Variants in PTPN12 observed in about 807,000 individuals in gnomAD.
PTPN12 encodes protein tyrosine phosphatase non-receptor type 12.
A neutral mutation model predicts 97.6 loss-of-function variants in PTPN12; 29 were observed. That is an observed-to-expected ratio of 0.30 (90% CI 0.22 to 0.41). The LOEUF is 0.41. PTPN12 is among the 10% of genes least tolerant of loss of function. PTPN12 has a pLI of 1.00. For missense variants in PTPN12, 819 were observed against 926.0 expected, an observed-to-expected ratio of 0.88 and a Z score of 1.50; for synonymous variants, 327 against 300.4, an observed-to-expected ratio of 1.09 and a Z score of -0.91.
At position 77,639,289 on chromosome 7, in the gene PTPN12, G is replaced by T. The variant is rs755588788; in HGVS notation, c.*9G>T. On this transcript the variant is annotated 3_prime_UTR_variant, in exon 18 of 18. Coordinates refer to ENST00000248594, the MANE Select transcript of PTPN12 (RefSeq NM_002835.4). ...CTTCAGAATGGACATGATTCAGGGA[G>T]CTAGAAGACACTTTAAGTTATACTG... is the stretch of plus-strand genomic sequence containing the variant. 6.2e-7 allele frequency: 1 copy of T among 1,607,564 alleles called. No individual in the cohort carries two copies. The highest frequency in any genetic ancestry group is 8.5e-7 in the Non-Finnish European group (1 of 1,175,318).
intron 1 of PTPN12, among the ~76,000 whole-genome samples, chr7:77,561,068 CTTGTT>C (rs1049288980): frequency 6.6e-6 from 1 of 152,062 alleles, no homozygotes; most frequent in Non-Finnish European, 1.5e-5. Flanking sequence ...GTTATTCTGG[CTTGTT>C]TTGTTTTGTT....
chr7:77,576,361 T>A (rs1787342640), intron 2 of PTPN12, among the ~76,000 whole-genome samples: 1 of 152,140 alleles, frequency 6.6e-6, no homozygotes, highest in Non-Finnish European at 1.5e-5. Flanking sequence ...GAATAATTGT[T>A]TTCATTTTTT....
intron 5 of PTPN12, among the ~76,000 whole-genome samples, chr7:77,590,745 G>A (rs1415874191): frequency 6.6e-6 from 1 of 151,920 alleles, no homozygotes; most frequent in Non-Finnish European, 1.5e-5. Context: ...GTATTTTTGA[G>A]TAGAGACAAG....
intron 11 of PTPN12, among the ~76,000 whole-genome samples, chr7:77,613,683 C>T (rs995000449): frequency 8.6e-5 from 13 of 151,948 alleles, no homozygotes; most frequent in African/African-American, 1.7e-4. Flanking sequence ...GGCAAAACCC[C>T]GTCTCTACCA....
rs1808163614 is a variant in PTPN12 at position 77,564,746 on chromosome 7, G to GTGTTTTTTT, written c.100-6331_100-6330insGTTTTTTTT. 3.7e-4 allele frequency among the ~76,000 whole-genome samples: 17 copies of GTGTTTTTTT among 45,404 alleles called. 4 individuals carry two copies. The East Asian group carries it at 0.012, about 32-fold the overall frequency. The allele number at this position is 45,404 out of a possible 152,430, so 29.8% of individuals were successfully genotyped here. ...TTTTGTTGTTGTTTTTTGTTGTCGT[G>GTGTTTTTTT]TTTTTTTTTTTTTTTTTTTTTTTTT... On this transcript the variant is annotated intron_variant, in intron 1 of 17. Transcript: ENST00000248594.
intron 7 of PTPN12, among the ~76,000 whole-genome samples, chr7:77,599,814 C>T (rs1332080011): frequency 6.6e-6 from 1 of 152,048 alleles, no homozygotes; most frequent in Admixed American, 6.6e-5. Flanking sequence ...GCTTAGATTC[C>T]GAGTATTGCT....
chr7:77,617,026 ACCAGTCTCAGCCTC>A (rs1015965212), intron 11 of PTPN12, among the ~76,000 whole-genome samples: 1 of 152,042 alleles, frequency 6.6e-6, no homozygotes, highest in African/African-American at 2.4e-5. Context: ...CAAGTGATCC[ACCAGTCTCAGCCTC>A]CCAAAGTTCT....
chr7:77,558,210 CAAA>C (rs61149538), intron 1 of PTPN12, among the ~76,000 whole-genome samples: 9 of 93,592 alleles, frequency 9.6e-5, no homozygotes, highest in Admixed American at 2.4e-4. Flanking sequence ...GACTCCATCT[CAAA>C]AAAAAAAAAA....
At chr7:77,541,969 A>G (rs1051063113) in intron 1 of PTPN12, among the ~76,000 whole-genome samples, 30 of 151,596 alleles carry the variant, frequency 2.0e-4, no homozygotes, top group African/African-American at 6.8e-4. Flanking sequence ...AGATAAATGT[A>G]TAAAGTAGGG....
At chr7:77,564,746 GTTTTTTT>G (rs764476553) in intron 1 of PTPN12, among the ~76,000 whole-genome samples, 86 of 45,378 alleles carry the variant, frequency 1.9e-3, no homozygotes, top group South Asian at 5.4e-3. Flanking sequence ...TTGTTGTCGT[GTTTTTTT>G]TTTTTTTTTT....
intron 8 of PTPN12, among the ~76,000 whole-genome samples, chr7:77,605,847 TC>T (rs1788353268): frequency 2.0e-5 from 3 of 151,748 alleles, no homozygotes; most frequent in Admixed American, 1.3e-4. Context: ...TGTTGCTCAA[TC>T]CGTTTTCTAG....
intron 2 of PTPN12, among the ~76,000 whole-genome samples, chr7:77,572,451 C>T (rs1195516664): frequency 6.6e-6 from 1 of 152,120 alleles, no homozygotes; most frequent in African/African-American, 2.4e-5. Flanking sequence ...TTTCTTCTTC[C>T]ATGATAACTC....
At chr7:77,625,559 C>CTT (rs1789141742) in intron 12 of PTPN12, among the ~76,000 whole-genome samples, 1 of 51,748 alleles carries the variant, frequency 1.9e-5, no homozygotes, top group African/African-American at 1.4e-4. Context: ...CTCTCGCTCT[C>CTT]TCTCTCTTTT....
intron 2 of PTPN12, among the ~76,000 whole-genome samples, chr7:77,573,109 A>AAAC (rs2151321457): frequency 6.8e-6 from 1 of 148,068 alleles, no homozygotes; most frequent in Non-Finnish European, 1.5e-5. Flanking sequence ...AAAAAACAAA[A>AAAC]AAAACCAGTG....
chr7:77,625,563 C>CTTTTTTTTTTT (rs761274993), intron 12 of PTPN12, among the ~76,000 whole-genome samples: 2 of 27,782 alleles, frequency 7.2e-5, no homozygotes. Flanking sequence ...CGCTCTCTCT[C>CTTTTTTTTTTT]TCTTTTTTTT....
At chr7:77,630,838 G>A (rs1050026206) in intron 13 of PTPN12, among the ~76,000 whole-genome samples, 1 of 152,114 alleles carries the variant, frequency 6.6e-6, no homozygotes, top group Non-Finnish European at 1.5e-5. Context: ...TATAAAATAC[G>A]CAATATCTGG....
rs1789574857 is a variant in PTPN12 at position 77,635,952 on chromosome 7, T to G, written c.2142+103T>G. The G allele has an allele frequency of 5.8e-6, 4 of 685,796 alleles. No homozygotes were observed. In the East Asian group the frequency reaches 1.3e-4, roughly 22 times the overall value. 42.5% of individuals were successfully genotyped at this position (685,796 alleles called of 1,614,324 possible). A position where few individuals can be genotyped will look rare whatever the true frequency, so the allele number is the denominator to read the frequency against. On this transcript the variant is annotated intron_variant, in intron 15 of 17. Transcript: ENST00000248594. ...TAGCTGTCATCTTAAGATCGTTAAA[T>G]ATAGTTTGTAATTTTTGATCGGCAT...
Position 77,593,737 on chromosome 7 carries a change from C to T in PTPN12, c.492+1481C>T, listed in dbSNP as rs549857602. 2.0e-5 allele frequency among the ~76,000 whole-genome samples: 3 copies of T among 152,212 alleles called. No individual in the cohort carries two copies. In the South Asian group the frequency reaches 6.2e-4, roughly 31 times the overall value. On this transcript the variant is annotated intron_variant, in intron 6 of 17. Coordinates refer to ENST00000248594, the MANE Select transcript of PTPN12 (RefSeq NM_002835.4). ...TTTAAATGTTAATCTTCTCCAAAAA[C>T]AGTGTCACAGAAATAACTAGAATAA...
At chr7:77,604,343 G>A (rs954212578) in intron 8 of PTPN12, among the ~76,000 whole-genome samples, 2 of 148,046 alleles carry the variant, frequency 1.4e-5, no homozygotes, top group Non-Finnish European at 3.0e-5. Flanking sequence ...AGCCTCCCGA[G>A]TAGCTGGGAT....
Sources: allele counts gnomAD v4.1 joint callset (sites outside exome capture counted in the v4.1 genomes callset), GRCh38; gene constraint gnomAD v4.1.1; transcripts MANE v1.5; gene names NCBI Gene and HGNC (gene_info 2026-07-23, HGNC 2026-07-21).